SYT1: variants seen among roughly 807,000 people sequenced by gnomAD.
The protein encoded by SYT1 is synaptotagmin-1.
SYT1 carries 8 observed loss-of-function variants against 44.8 expected under a neutral mutation model. The ratio of observed to expected loss-of-function variants is 0.18; its 90% CI spans 0.10 to 0.32. The LOEUF (loss-of-function observed/expected upper bound fraction) is 0.32. SYT1 is among the 10% of genes least tolerant of loss of function. The pLI is 1.00. For synonymous variants in SYT1, 154 were observed against 188.8 expected (o/e 0.82, Z 1.51); for missense variants, 286 against 509.3 (o/e 0.56, Z 4.22).
intron 8 of SYT1, among the ~76,000 whole-genome samples, chr12:79,319,389 G>A (rs1881250360): frequency 6.6e-6 from 1 of 152,158 alleles, no homozygotes; most frequent in Non-Finnish European, 1.5e-5. Context: ...GAAACTCAGA[G>A]AAGTTGGAAT....
intron 3 of SYT1, among the ~76,000 whole-genome samples, chr12:79,141,410 C>T (rs922074125): frequency 6.6e-6 from 1 of 152,020 alleles, no homozygotes; most frequent in Non-Finnish European, 1.5e-5. Context: ...ATTATTTAGG[C>T]ACATAATATA....
chr12:78,872,465 ATC>A, intron 1 of SYT1, among the ~76,000 whole-genome samples: 1 of 151,898 alleles, frequency 6.6e-6, no homozygotes, highest in East Asian at 1.9e-4. Flanking sequence ...ACCTGTATGC[ATC>A]GAAGCATATT....
intron 4 of SYT1, among the ~76,000 whole-genome samples, chr12:79,274,289 C>A (rs942268461): frequency 6.6e-6 from 1 of 152,116 alleles, no homozygotes; most frequent in African/African-American, 2.4e-5. Context: ...AGTGGGAAGT[C>A]TTGCATCCTG....
chr12:79,431,763 G>A (rs906245028), intron 9 of SYT1, among the ~76,000 whole-genome samples: 1 of 151,952 alleles, frequency 6.6e-6, no homozygotes, highest in African/African-American at 2.4e-5. Flanking sequence ...GGCTGGTCTC[G>A]AACTCCTGAC....
intron 9 of SYT1, among the ~76,000 whole-genome samples, chr12:79,359,942 TG>T (rs1398012924): frequency 1.3e-5 from 2 of 152,156 alleles, no homozygotes; most frequent in African/African-American, 4.8e-5. Flanking sequence ...TGTGATATTT[TG>T]CATAACCCCA....
At chr12:79,050,045 T>G (rs1514923) in intron 3 of SYT1, among the ~76,000 whole-genome samples, 21,104 of 151,992 alleles carry the variant, frequency 0.14, 1,513 homozygotes, top group East Asian at 0.24. Flanking sequence ...AGTCCTAAAA[T>G]TCCATGGTTA....
chr12:79,006,134 T>A (rs1565759129), intron 2 of SYT1, among the ~76,000 whole-genome samples: 1 of 152,176 alleles, frequency 6.6e-6, no homozygotes, highest in African/African-American at 2.4e-5. Flanking sequence ...ATCTTGAAAT[T>A]GACTAAAAAT....
intron 3 of SYT1, among the ~76,000 whole-genome samples, chr12:79,074,281 C>CGAG (rs769939873): frequency 2.0e-5 from 3 of 152,062 alleles, no homozygotes; most frequent in Non-Finnish European, 2.9e-5. Flanking sequence ...TCCTGCAGCC[C>CGAG]TCATCTCCAC....
At position 78,969,222 on chromosome 12, in the gene SYT1, T is replaced by C. The variant is rs1047374076; in HGVS notation, c.-216-8577T>C. On this transcript the variant is annotated intron_variant, in intron 1 of 10. Transcript: ENST00000261205. ...ATGTACGTAGGTTATATTCAAATAC[T>C]ACAACATTTTATATCAGGGTCTTGA... Among the ~76,000 whole-genome samples, 7 of 152,312 alleles carry C rather than the reference T, an allele frequency of 4.6e-5. 1 individual carries two copies. The highest frequency in any genetic ancestry group is 4.6e-4 in the Admixed American group (7 of 15,298).
intron 3 of SYT1, among the ~76,000 whole-genome samples, chr12:79,179,533 A>ATC (rs1872365314): frequency 7.9e-6 from 1 of 126,888 alleles, no homozygotes; most frequent in African/African-American, 3.1e-5. Flanking sequence ...ATAGATATAG[A>ATC]TATAGATATA....
chr12:79,016,112 G>A (rs901119633), intron 2 of SYT1, among the ~76,000 whole-genome samples: 4 of 152,108 alleles, frequency 2.6e-5, no homozygotes, highest in African/African-American at 9.7e-5. Context: ...TCTAAATTTT[G>A]TGTGTAATGA....
chr12:79,244,044 GT>G (rs903962332), intron 4 of SYT1, among the ~76,000 whole-genome samples: 3 of 152,160 alleles, frequency 2.0e-5, no homozygotes, highest in African/African-American at 7.2e-5. Context: ...ATTTTACCCA[GT>G]TTCATAATGA....
intron 2 of SYT1, among the ~76,000 whole-genome samples, chr12:79,006,325 C>A (rs371493010): frequency 2.0e-5 from 3 of 152,164 alleles, no homozygotes; most frequent in East Asian, 3.9e-4. Flanking sequence ...GATCAAGTGA[C>A]TCCTGTATGG....
intron 1 of SYT1, among the ~76,000 whole-genome samples, chr12:78,953,713 G>T (rs1286517941): frequency 6.6e-6 from 1 of 151,952 alleles, no homozygotes; most frequent in Non-Finnish European, 1.5e-5. Flanking sequence ...AAACCATTTT[G>T]AAATTTTTCA....
intron 8 of SYT1, among the ~76,000 whole-genome samples, chr12:79,305,553 A>G (rs1880350908): frequency 2.0e-5 from 3 of 152,256 alleles, no homozygotes; most frequent in South Asian, 4.1e-4. Flanking sequence ...AAAAAATCTC[A>G]TAACATTCTT....
intron 2 of SYT1, among the ~76,000 whole-genome samples, chr12:79,041,400 T>A (rs1485134108): frequency 3.9e-5 from 6 of 151,990 alleles, no homozygotes; most frequent in Non-Finnish European, 5.9e-5. Flanking sequence ...TGAATGGGAT[T>A]TCACTCATGA....
At chr12:79,427,704 G>A (rs1020132836) in intron 9 of SYT1, among the ~76,000 whole-genome samples, 10 of 152,118 alleles carry the variant, frequency 6.6e-5, no homozygotes, top group South Asian at 2.1e-4. Flanking sequence ...TATGGGAAAG[G>A]GACATGAGGA....
chr12:79,179,236 A>ATATATC (rs1872220251), intron 3 of SYT1, among the ~76,000 whole-genome samples: 6 of 75,630 alleles, frequency 7.9e-5, no homozygotes, highest in African/African-American at 6.6e-4. Context: ...ATAGATATAG[A>ATATATC]TATATAGATA....
At chr12:78,956,048 T>C (rs1879199253) in intron 1 of SYT1, among the ~76,000 whole-genome samples, 1 of 151,852 alleles carries the variant, frequency 6.6e-6, no homozygotes, top group South Asian at 2.1e-4. Context: ...TATGAAAAAA[T>C]ACTGCAATGA....
Sources: allele counts gnomAD v4.1 joint callset (sites outside exome capture counted in the v4.1 genomes callset), GRCh38; gene constraint gnomAD v4.1.1; transcripts MANE v1.5; gene names NCBI Gene and HGNC (gene_info 2026-07-23, HGNC 2026-07-21).